Variants in PRKN observed in about 807,000 individuals in gnomAD.
PRKN encodes the protein parkin RBR E3 ubiquitin protein ligase.
In PRKN, 56 loss-of-function variants were observed where a neutral mutation model predicts 59.5. The ratio of observed to expected loss-of-function variants is 0.94; its 90% CI spans 0.76 to 1.18. PRKN has a LOEUF of 1.18. Among genes scored for constraint, PRKN ranks in the 50% most tolerant of loss-of-function variants. PRKN has a pLI of 0.00. For missense variants in PRKN, 657 were observed against 596.4 expected (o/e 1.10, Z -1.06); for synonymous variants, 250 against 222.1 (o/e 1.13, Z -1.12).
intron 1 of PRKN, among the ~76,000 whole-genome samples, chr6:162,505,685 A>T (rs1201991911): frequency 6.6e-6 from 1 of 152,222 alleles, no homozygotes; most frequent in Non-Finnish European, 1.5e-5. Context: ...ATATATGCCA[A>T]CTTTAGGAGG....
intron 4 of PRKN, among the ~76,000 whole-genome samples, chr6:162,073,625 T>G (rs1249855250): frequency 6.6e-6 from 1 of 152,200 alleles, no homozygotes; most frequent in African/African-American, 2.4e-5. Flanking sequence ...TTAATTTTTA[T>G]ACTTTTTGTA....
At chr6:162,287,177 G>A (rs1037576328) in intron 2 of PRKN, among the ~76,000 whole-genome samples, 3 of 152,168 alleles carry the variant, frequency 2.0e-5, no homozygotes, top group African/African-American at 7.2e-5. Flanking sequence ...CCAGGAAGGT[G>A]AGTGAGGCAG....
chr6:161,700,798 C>A (rs903493958), intron 7 of PRKN, among the ~76,000 whole-genome samples: 3 of 152,148 alleles, frequency 2.0e-5, no homozygotes, highest in Non-Finnish European at 2.9e-5. Flanking sequence ...TCTACTGTGT[C>A]ATTTTCTCAA....
intron 10 of PRKN, among the ~76,000 whole-genome samples, chr6:161,367,622 A>G (rs999986760): frequency 6.6e-6 from 1 of 152,092 alleles, no homozygotes; most frequent in Non-Finnish European, 1.5e-5. Context: ...CTCAAACGCT[A>G]CTTGTGCTGA....
intron 6 of PRKN, among the ~76,000 whole-genome samples, chr6:161,803,954 G>A (rs189606974): frequency 2.0e-5 from 3 of 152,304 alleles, no homozygotes; most frequent in East Asian, 3.9e-4. Context: ...AGAAGGAGGC[G>A]GTGTTGCCGA....
chr6:162,089,404 G>A (rs1000873769), intron 4 of PRKN, among the ~76,000 whole-genome samples: 7 of 152,102 alleles, frequency 4.6e-5, no homozygotes, highest in Non-Finnish European at 1.0e-4. Context: ...AAAGAATAAC[G>A]GGTGCTGTCA....
chr6:162,705,046 T>C (rs1778290532), intron 1 of PRKN, among the ~76,000 whole-genome samples: 1 of 152,154 alleles, frequency 6.6e-6, no homozygotes, highest in Non-Finnish European at 1.5e-5. Flanking sequence ...TTAAAAAAAA[T>C]TGCTATCCTT....
intron 7 of PRKN, among the ~76,000 whole-genome samples, chr6:161,706,833 C>T (rs1336711101): frequency 6.6e-6 from 1 of 152,214 alleles, no homozygotes; most frequent in Non-Finnish European, 1.5e-5. Context: ...GCTGGGATTA[C>T]AGGCGTGAGC....
intron 4 of PRKN, among the ~76,000 whole-genome samples, chr6:162,063,337 A>G (rs1778183051): frequency 6.6e-6 from 1 of 152,370 alleles, no homozygotes; most frequent in Middle Eastern, 3.4e-3. Context: ...AACAAGACGT[A>G]TAAGTGGCCA....
chr6:162,091,357 G>C (rs377481055), intron 4 of PRKN, among the ~76,000 whole-genome samples: 36 of 152,116 alleles, frequency 2.4e-4, no homozygotes, highest in Admixed American at 1.2e-3. Context: ...TACTAATAGA[G>C]CTTATACTTC....
At chr6:161,742,190 G>T (rs912281060) in intron 7 of PRKN, among the ~76,000 whole-genome samples, 1 of 151,966 alleles carries the variant, frequency 6.6e-6, no homozygotes, top group South Asian at 2.1e-4. Flanking sequence ...GGCTGGTCTC[G>T]AACTCCTGAC....
At chr6:162,547,934 T>A (rs909957740) in intron 1 of PRKN, among the ~76,000 whole-genome samples, 6 of 152,068 alleles carry the variant, frequency 3.9e-5, no homozygotes, top group African/African-American at 1.4e-4. Context: ...GAACCTCACA[T>A]CCACTGGTCT....
chr6:161,779,313 G>A (rs1159546438), intron 7 of PRKN, among the ~76,000 whole-genome samples: 1 of 151,830 alleles, frequency 6.6e-6, no homozygotes. Context: ...GCTGTGCCCT[G>A]GGAGTAATAT....
chr6:161,545,203 T>C lies in PRKN; in HGVS notation c.1083+3651A>G. 2.2e-6 allele frequency: 3 copies of C among 1,363,254 alleles called. No individual in the cohort carries two copies. Among genetic ancestry groups the C allele is most frequent in the South Asian group, 4.0e-5 (2 of 49,960 alleles). The allele number at this position is 1,363,254 out of a possible 1,614,324, so 84.4% of individuals were successfully genotyped here. On this transcript the variant is annotated intron_variant, in intron 9 of 11. Transcript: ENST00000366898. This position sits in a 1 kb window ranked among gnomAD's most constrained non-coding sequence, Gnocchi z 4.1. ...TGGTAAGAGTTGTACTTTTTCTATC[T>C]TGATAATTGAGGGAAAAAAAAATTA...
chr6:161,491,874 C>G (rs182675258), intron 9 of PRKN, among the ~76,000 whole-genome samples: 178 of 152,244 alleles, frequency 1.2e-3, no homozygotes, highest in Non-Finnish European at 2.1e-3. Context: ...TCAGGTGATC[C>G]ACCCATCTCG....
At chr6:161,689,730 A>G (rs981161939) in intron 7 of PRKN, among the ~76,000 whole-genome samples, 4 of 151,984 alleles carry the variant, frequency 2.6e-5, no homozygotes, top group African/African-American at 9.6e-5. Context: ...TTTTTTTGAG[A>G]CAAGAGTTTT....
chr6:162,320,190 T>G lies in PRKN; in HGVS notation c.172-57425A>C, dbSNP rs183610368. ...TAATTTTATTGTGTATATCTGCCAGTTTCTTTATCCAATCATTCATTGATG... is the reference window on the plus strand; with the variant it reads ...TAATTTTATTGTGTATATCTGCCAGGTTCTTTATCCAATCATTCATTGATG... On this transcript the variant is annotated intron_variant, in intron 2 of 11. Coordinates refer to ENST00000366898, the MANE Select transcript of PRKN (RefSeq NM_004562.3). Among the ~76,000 whole-genome samples, 326 of 151,264 alleles carry G rather than the reference T, an allele frequency of 2.2e-3. 3 individuals carry two copies. The highest frequency in any genetic ancestry group is 7.6e-3 in the African/African-American group (316 of 41,346).
intron 1 of PRKN, among the ~76,000 whole-genome samples, chr6:162,699,929 G>A (rs1410739486): frequency 1.3e-5 from 2 of 152,090 alleles, no homozygotes; most frequent in African/African-American, 4.8e-5. Context: ...ATATCCTAGA[G>A]GAAGAGACTG....
chr6:162,551,215 G>A (rs913020996), intron 1 of PRKN, among the ~76,000 whole-genome samples: 1 of 152,082 alleles, frequency 6.6e-6, no homozygotes, highest in Non-Finnish European at 1.5e-5. Context: ...ACGTACTTGG[G>A]CATACAAATC....
Sources: allele counts gnomAD v4.1 joint callset (sites outside exome capture counted in the v4.1 genomes callset), GRCh38; gene constraint gnomAD v4.1.1; non-coding constraint Gnocchi (gnomAD v3.1); transcripts MANE v1.5; gene names NCBI Gene and HGNC (gene_info 2026-07-23, HGNC 2026-07-21).